The following NAAA variants were observed in gnomAD, a reference collection of about 807,000 sequenced individuals.
NAAA encodes N-acylethanolamine acid amidase.
NAAA carries 39 observed loss-of-function variants against 44.8 expected under a neutral mutation model. The observed-to-expected ratio is 0.87, with a 90% CI of 0.67 to 1.14. The LOEUF (loss-of-function observed/expected upper bound fraction) is 1.14, where lower values mean the gene tolerates loss of function less well. Ranked by LOEUF, NAAA falls within the 50% of genes most tolerant of loss-of-function variation. The pLI, the probability that NAAA is intolerant of heterozygous loss-of-function variation, is 0.00. For missense variants in NAAA, 460 were observed against 467.8 expected (o/e 0.98, Z 0.15); for synonymous variants, 178 against 191.3 (o/e 0.93, Z 0.58).
At chr4:75,922,275 G>A (rs530487737) in intron 5 of NAAA, among the ~76,000 whole-genome samples, 1 of 152,052 alleles carries the variant, frequency 6.6e-6, no homozygotes, top group East Asian at 1.9e-4. Context: ...TATGCAGGGA[G>A]GCTGAGGTGG....
intron 4 of NAAA, among the ~76,000 whole-genome samples, chr4:75,930,877 T>C (rs1452675220): frequency 6.6e-6 from 1 of 152,172 alleles, no homozygotes; most frequent in African/African-American, 2.4e-5. Context: ...CCTTCATCCT[T>C]GCGGTAAGAC....
chr4:75,940,863 C>T lies in NAAA; in HGVS notation c.87G>A (p.Ser29=). The T allele has an allele frequency of 6.3e-7, 1 of 1,576,610 alleles. No individual in the cohort carries two copies. Among genetic ancestry groups the T allele is most frequent in the Non-Finnish European group, 8.5e-7 (1 of 1,170,876 alleles). The change falls in exon 1 of 11, where the codon TCG becomes TCA. Residue 29 remains serine (S), a synonymous_variant. Transcript: ENST00000286733. ...CGTTGAAGCGCGGCGCTGCTGGGGGCGAGGCGGCTGACAGCCCGGCCCCGG... is the reference window on the plus strand; with the variant it reads ...CGTTGAAGCGCGGCGCTGCTGGGGGTGAGGCGGCTGACAGCCCGGCCCCGG... ...LLAGAGLSAA[S]PPAAPRFNVS...
Position 75,914,977 on chromosome 4 carries a change from AT to A in NAAA, c.1006del (p.Ile336PhefsTer5). 6.2e-7 allele frequency: 1 copy of A among 1,610,522 alleles called. No homozygotes were observed. The highest frequency in any genetic ancestry group is 1.3e-5 in the African/African-American group (1 of 74,966). ...ACCGGCGCTCATTACCGTAGTATAA[AT>A]TGTGAAGCTGAAAATTATGAGGAAA... ...SVVPVYNNFT[I>X]YTTVMSAGSP... On this transcript the variant is annotated frameshift_variant, in exon 10 of 11. Transcript: ENST00000286733. LOFTEE classifies it high-confidence loss of function.
At chr4:75,918,189 C>A (rs762366215) in intron 9 of NAAA, among the ~76,000 whole-genome samples, 6 of 152,220 alleles carry the variant, frequency 3.9e-5, no homozygotes, top group Non-Finnish European at 8.8e-5. Context: ...CGCAGTGGCT[C>A]ACTCCTGTAA....
At chr4:75,925,362 G>C (rs1025248618) in intron 5 of NAAA, among the ~76,000 whole-genome samples, 2 of 152,104 alleles carry the variant, frequency 1.3e-5, no homozygotes, top group African/African-American at 4.8e-5. Context: ...GTTCCAGTTC[G>C]CAAACTCAAA....
intron 8 of NAAA, 134 bp downstream of exon 8, chr4:75,919,775 A>T: frequency 1.1e-6 from 1 of 896,788 alleles, no homozygotes; most frequent in Non-Finnish European, 1.8e-6. Flanking sequence ...ACCACTTTTA[A>T]TACATGATTT....
rs188672710 is a variant in NAAA at position 75,926,335 on chromosome 4, C to T, written c.590-524G>A. Among the ~76,000 whole-genome samples the T allele has an allele frequency of 1.7e-4, 25 of 150,714 alleles. No homozygotes were observed. In the East Asian group the frequency reaches 3.0e-3, roughly 18 times the overall value. The stretch of plus-strand genomic sequence containing the variant: ...CAGCACTTTGGGAGGCCGAGGTGGG[C>T]GGATCCCCTGAGGTCAGGAGTTCGA... On this transcript the variant is annotated intron_variant, in intron 4 of 10. Transcript: ENST00000286733.
chr4:75,911,229 C>A (rs756924796), downstream of NAAA: 9 of 471,108 alleles, frequency 1.9e-5, no homozygotes, highest in Non-Finnish European at 2.1e-5. Flanking sequence ...TGGCTATTTT[C>A]TCTTCTTTTG....
chr4:75,925,861 A>C, intron 4 of NAAA, 50 bp from the exon 5 acceptor site: 2 of 1,520,872 alleles, frequency 1.3e-6, no homozygotes, highest in Non-Finnish European at 1.8e-6. Flanking sequence ...ATATGTACAC[A>C]CATGAAACAG....
chr4:75,915,350 T>C (rs894676037), intron 9 of NAAA, among the ~76,000 whole-genome samples: 1 of 151,888 alleles, frequency 6.6e-6, no homozygotes, highest in Non-Finnish European at 1.5e-5. Context: ...CTCTGTCTCA[T>C]AAAAAATAAA....
chr4:75,915,032 T>C (rs370161116), intron 9 of NAAA, 47 bp from the exon 10 acceptor site: 12 of 1,396,334 alleles, frequency 8.6e-6, no homozygotes, highest in South Asian at 1.2e-5. Flanking sequence ...TTCTCTAATA[T>C]GCCAGAAAGG....
intron 3 of NAAA, among the ~76,000 whole-genome samples, chr4:75,932,890 T>A (rs1174927495): frequency 6.6e-6 from 1 of 152,096 alleles, no homozygotes; most frequent in Non-Finnish European, 1.5e-5. Flanking sequence ...ATCCCAGCAC[T>A]TTGGGAGGCC....
chr4:75,919,002 T>C (rs993501578), intron 8 of NAAA, among the ~76,000 whole-genome samples: 1 of 151,800 alleles, frequency 6.6e-6, no homozygotes, highest in African/African-American at 2.4e-5. Context: ...AAAAAGAATG[T>C]CTGTAGAAAG....
downstream of NAAA, among the ~76,000 whole-genome samples, chr4:75,912,958 G>A (rs972239498): frequency 1.4e-4 from 22 of 152,230 alleles, no homozygotes; most frequent in Middle Eastern, 3.4e-3. Context: ...CACTAGAGAC[G>A]TCTGCAGTAT....
intron 9 of NAAA, among the ~76,000 whole-genome samples, chr4:75,915,680 C>A (rs1007565174): frequency 6.6e-6 from 1 of 152,162 alleles, no homozygotes; most frequent in African/African-American, 2.4e-5. Flanking sequence ...CCAGCAGATT[C>A]CTTACACCAT....
rs1160875126 is a variant in NAAA, at chr4:75,928,961, G to T, written c.589+2253C>A. Among the ~76,000 whole-genome samples the T allele has an allele frequency of 3.6e-4, 52 of 143,526 alleles. 1 individual carries two copies. In the Admixed American group the frequency reaches 3.6e-3, roughly 10 times the overall value. 94.2% of individuals were successfully genotyped at this position (143,526 alleles called of 152,430 possible). A position where few individuals can be genotyped will look rare whatever the true frequency, so the allele number is the denominator to read the frequency against. On this transcript the variant is annotated intron_variant, in intron 4 of 10. Transcript: ENST00000286733. The stretch of plus-strand genomic sequence containing the variant: ...CGCCACCACGCCCGGCTAAATTTGT[G>T]TTTTTTTTTTTTAGTAGAGACGGGG...
chr4:75,920,798 C>A lies in NAAA; in HGVS notation c.842G>T (p.Trp281Leu). The change falls in exon 7 of 11, where the codon TGG becomes TTG. Residue 281 changes from tryptophan (W) to leucine (L), a missense_variant and splice_region_variant. Physicochemically the swap from Trp to Leu is moderately conservative, Grantham distance 61 (BLOSUM62 -2). Coordinates refer to ENST00000286733, the MANE Select transcript of NAAA (RefSeq NM_014435.4). Reference protein sequence around the residue: ...IWPLDPLNGAWFRVETNYDHW... With the variant: ...IWPLDPLNGALFRVETNYDHW... ...GTCGTAATTTGTCTCAACTCGGAAC[C>A]ACCTACAACAGAGCACATCATCTTG... The A allele has an allele frequency of 6.2e-7, 1 of 1,614,194 alleles. No individual in the cohort carries two copies. The highest frequency in any genetic ancestry group is 1.1e-5 in the South Asian group (1 of 91,080).
At position 75,931,270 on chromosome 4, in the gene NAAA, A is replaced by G. The variant is rs753151706; in HGVS notation, c.533T>C (p.Val178Ala). ...TGGGCTCTGGCCAGTCCATAATCCT[A>G]CATAGCCAATAAAAGTAGTTCCTGT... The part of the protein sequence containing the change: ...AFTGTTFIGY[V>A]GLWTGQSPHK... The change falls in exon 4 of 11, where the codon GTA becomes GCA. Residue 178 changes from valine to alanine, a missense_variant. Physicochemically the swap from Val to Ala is moderately conservative, Grantham distance 64 (BLOSUM62 0). Coordinates refer to ENST00000286733, the MANE Select transcript of NAAA (RefSeq NM_014435.4). 1.2e-6 allele frequency: 2 copies of G among 1,612,268 alleles called. No homozygotes were observed. Among genetic ancestry groups the G allele is most frequent in the South Asian group, 1.1e-5 (1 of 90,964 alleles).
chr4:75,914,207 G>A lies in NAAA; in HGVS notation c.*168C>T. 1.0e-6 allele frequency: 1 copy of A among 985,772 alleles called. No homozygotes were observed. Among genetic ancestry groups the A allele is most frequent in the Non-Finnish European group, 1.2e-6 (1 of 829,950 alleles). The allele number at this position is 985,772 out of a possible 1,614,324, so 61.1% of individuals were successfully genotyped here. A position where few individuals can be genotyped will look rare whatever the true frequency, so the allele number is the denominator to read the frequency against. On this transcript the variant is annotated 3_prime_UTR_variant, in exon 11 of 11. Coordinates refer to ENST00000286733, the MANE Select transcript of NAAA (RefSeq NM_014435.4). Reference sequence around the variant, plus strand: ...CTTTACCACAAACTCCAAATCTCCTGGACCCACTTCGCAAGGTTGTAAAGT... The same window carrying A: ...CTTTACCACAAACTCCAAATCTCCTAGACCCACTTCGCAAGGTTGTAAAGT...
Sources: gnomAD v4.1 joint callset for allele counts (sites outside exome capture counted in the v4.1 genomes callset) on GRCh38, gnomAD v4.1.1 for gene constraint, MANE v1.5 for transcripts, NCBI Gene and HGNC (gene_info 2026-07-23, HGNC 2026-07-21) for gene names.